The following SH3GL3 variants were observed in gnomAD, a reference collection of about 807,000 sequenced individuals.
SH3GL3 encodes endophilin-A3.
SH3GL3 carries 33 observed loss-of-function variants against 47.7 expected under a neutral mutation model. The ratio of observed to expected loss-of-function variants is 0.69; its 90% confidence interval spans 0.52 to 0.92. The LOEUF is 0.92. Ranked by LOEUF, SH3GL3 falls within the 40% of genes least tolerant of loss-of-function variation. SH3GL3 has a pLI of 0.00. For missense variants in SH3GL3, 363 were observed against 417.8 expected (o/e 0.87, Z 1.14); for synonymous variants, 155 against 148.8 (o/e 1.04, Z -0.30).
rs1396112260 is a variant in SH3GL3, at chr15:83,617,852, T to A, written c.839-230T>A. Reference sequence around the variant, plus strand: ...ATGGGCTGGGCACGACTTCTCTGCCTGGGAGTATTGAAAAGATAGACTCTG... The same window carrying A: ...ATGGGCTGGGCACGACTTCTCTGCCAGGGAGTATTGAAAAGATAGACTCTG... On this transcript the variant is annotated intron_variant, in intron 8 of 8. Coordinates refer to ENST00000427482, the MANE Select transcript of SH3GL3 (RefSeq NM_003027.5). 4.1e-4 allele frequency among the ~76,000 whole-genome samples: 62 copies of A among 152,118 alleles called. 1 individual carries two copies. Among genetic ancestry groups the A allele is most frequent in the Non-Finnish European group, 1.2e-4 (8 of 68,008 alleles).
intron 1 of SH3GL3, among the ~76,000 whole-genome samples, chr15:83,501,611 GCTGGGTGC>G (rs1171247119): frequency 6.6e-6 from 1 of 152,178 alleles, no homozygotes; most frequent in Non-Finnish European, 1.5e-5. Context: ...CTGGCTTCTG[GCTGGGTGC>G]AGTGGCTCAC....
At chr15:83,503,096 TG>T (rs1304404564) in intron 1 of SH3GL3, among the ~76,000 whole-genome samples, 3 of 152,216 alleles carry the variant, frequency 2.0e-5, no homozygotes, top group Non-Finnish European at 4.4e-5. Context: ...TATTTTGGAT[TG>T]TTTTTAAATA....
intron 8 of SH3GL3, among the ~76,000 whole-genome samples, chr15:83,612,306 C>T (rs372837660): frequency 6.6e-6 from 1 of 152,180 alleles, no homozygotes; most frequent in African/African-American, 2.4e-5. Context: ...GGCTCACTTC[C>T]ACAGCTGAGG....
intron 5 of SH3GL3, among the ~76,000 whole-genome samples, chr15:83,575,595 T>G (rs2059654607): frequency 6.6e-6 from 1 of 152,298 alleles, no homozygotes; most frequent in East Asian, 1.9e-4. Context: ...CGGCTGACTT[T>G]CAGGTGTTCA....
chr15:83,587,743 A>G (rs966548286), intron 7 of SH3GL3, among the ~76,000 whole-genome samples: 3 of 152,210 alleles, frequency 2.0e-5, no homozygotes, highest in African/African-American at 4.8e-5. Context: ...GATGTAGTCT[A>G]TACTTTTCTG....
chr15:83,533,114 T>C lies in SH3GL3; in HGVS notation c.46-26139T>C, dbSNP rs374580068. On this transcript the variant is annotated intron_variant, in intron 1 of 8. Transcript: ENST00000427482. ...GCTAACAGTGTTGGACTTACATAGG[T>C]TGAGAAATGAATGGGAAGTGAGAAA... 7.2e-5 allele frequency among the ~76,000 whole-genome samples: 11 copies of C among 152,162 alleles called. No individual in the cohort carries two copies. In the South Asian group the frequency reaches 2.3e-3, roughly 32 times the overall value.
intron 4 of SH3GL3, among the ~76,000 whole-genome samples, chr15:83,569,790 T>G (rs901662670): frequency 2.0e-5 from 3 of 152,216 alleles, no homozygotes; most frequent in Non-Finnish European, 2.9e-5. Context: ...AATTTTTATT[T>G]GTGTTTGTCA....
intron 1 of SH3GL3, among the ~76,000 whole-genome samples, chr15:83,461,873 CTT>C (rs1458404005): frequency 4.6e-5 from 7 of 152,146 alleles, no homozygotes; most frequent in Non-Finnish European, 1.0e-4. Context: ...ATAAAACTAA[CTT>C]ATTTTACATA....
At chr15:83,514,197 A>G (rs1171635319) in intron 1 of SH3GL3, among the ~76,000 whole-genome samples, 1 of 152,238 alleles carries the variant, frequency 6.6e-6, no homozygotes, top group Non-Finnish European at 1.5e-5. Flanking sequence ...CCCACTTTCC[A>G]GAACAAGGAC....
chr15:83,627,357 A>G, the SH3GL3 span, among the ~76,000 whole-genome samples: 1 of 150,468 alleles, frequency 6.6e-6, no homozygotes, highest in Admixed American at 6.8e-5. Context: ...AGATTGCGCC[A>G]CTGCACTCCA....
At chr15:83,491,548 C>T (rs966565520) in intron 1 of SH3GL3, among the ~76,000 whole-genome samples, 1 of 152,236 alleles carries the variant, frequency 6.6e-6, no homozygotes, top group Non-Finnish European at 1.5e-5. Context: ...AATAGATTCA[C>T]ACATCTGACA....
chr15:83,593,418 AT>A lies in SH3GL3; in HGVS notation c.838+4653del, dbSNP rs561561372. ...TTTAGAATATATACAGGTCTTTTAAATTTTTTCATCAATCTCTAAGTATTTT... is the reference window on the plus strand; with the variant it reads ...TTTAGAATATATACAGGTCTTTTAAATTTTTCATCAATCTCTAAGTATTTT... On this transcript the variant is annotated intron_variant, in intron 8 of 8. Coordinates refer to ENST00000427482, the MANE Select transcript of SH3GL3 (RefSeq NM_003027.5). Among the ~76,000 whole-genome samples, 51 of 152,274 alleles carry A rather than the reference AT, an allele frequency of 3.3e-4. 2 individuals are homozygous for A. The Middle Eastern group carries it at 0.024, about 71-fold the overall frequency.
At chr15:83,501,399 TA>T (rs2042288016) in intron 1 of SH3GL3, among the ~76,000 whole-genome samples, 2 of 152,228 alleles carry the variant, frequency 1.3e-5, no homozygotes, top group African/African-American at 4.8e-5. Context: ...TCCTGACTTA[TA>T]TATTTAAAAA....
chr15:83,462,145 C>G (rs2040330782), intron 1 of SH3GL3, among the ~76,000 whole-genome samples: 1 of 152,156 alleles, frequency 6.6e-6, no homozygotes, highest in Admixed American at 6.5e-5. Flanking sequence ...AAGGGACAAG[C>G]CTTGTGCCTG....
intron 1 of SH3GL3, among the ~76,000 whole-genome samples, chr15:83,537,935 G>C (rs1203166415): frequency 2.0e-5 from 3 of 152,142 alleles, no homozygotes; most frequent in African/African-American, 7.2e-5. Context: ...GTGGTACACA[G>C]AGAAGATGTG....
chr15:83,544,279 A>G (rs191658167), intron 1 of SH3GL3, among the ~76,000 whole-genome samples: 1 of 152,230 alleles, frequency 6.6e-6, no homozygotes, highest in Admixed American at 6.5e-5. Context: ...CTGGTCCTTC[A>G]GTAGCATACT....
chr15:83,600,593 C>T (rs535889920), intron 8 of SH3GL3, among the ~76,000 whole-genome samples: 7 of 152,236 alleles, frequency 4.6e-5, no homozygotes, highest in Admixed American at 1.3e-4. Flanking sequence ...GTGACTGTGG[C>T]CTTATAGTAT....
Position 83,610,848 on chromosome 15 carries a change from T to G in SH3GL3, c.839-7234T>G, listed in dbSNP as rs1026599248. On this transcript the variant is annotated intron_variant, in intron 8 of 8. Coordinates refer to ENST00000427482, the MANE Select transcript of SH3GL3 (RefSeq NM_003027.5). ...CATGGTAAACACTAACACCTGAGAGTTATTATTTCGTCCCTGTAGCTGAGT... is the reference window on the plus strand; with the variant it reads ...CATGGTAAACACTAACACCTGAGAGGTATTATTTCGTCCCTGTAGCTGAGT... Among the ~76,000 whole-genome samples, 4 of 152,088 alleles carry G rather than the reference T, an allele frequency of 2.6e-5. No homozygotes were observed. In the East Asian group the frequency reaches 7.7e-4, roughly 29 times the overall value.
intron 2 of SH3GL3, among the ~76,000 whole-genome samples, chr15:83,562,258 G>A (rs912884602): frequency 1.3e-5 from 2 of 152,084 alleles, no homozygotes; most frequent in African/African-American, 4.8e-5. Context: ...TGGTGTGGAG[G>A]CAGCTCCAGT....
Sources: allele counts gnomAD v4.1 joint callset (sites outside exome capture counted in the v4.1 genomes callset), GRCh38; gene constraint gnomAD v4.1.1; transcripts MANE v1.5; gene names NCBI Gene and HGNC (gene_info 2026-07-23, HGNC 2026-07-21).